MYO5A: variants seen among roughly 807,000 people sequenced by gnomAD.
MYO5A encodes unconventional myosin-Va.
MYO5A carries 98 observed loss-of-function variants against 249.7 expected under a neutral mutation model. The observed-to-expected ratio is 0.39, with a 90% CI of 0.33 to 0.46. The LOEUF (loss-of-function observed/expected upper bound fraction) is 0.46, where lower values mean the gene tolerates loss of function less well. MYO5A is among the 20% of genes least tolerant of loss of function. MYO5A has a pLI of 0.98. For missense variants in MYO5A, 1,696 were observed against 2,308.8 expected (o/e 0.73, Z 5.44); for synonymous variants, 778 against 810.6 (o/e 0.96, Z 0.68).
At chr15:52,480,855 T>C (rs1055968315) in intron 1 of MYO5A, among the ~76,000 whole-genome samples, 3 of 152,198 alleles carry the variant, frequency 2.0e-5, no homozygotes, top group African/African-American at 7.2e-5. Context: ...TCCTTACATA[T>C]AGCTAAATCC....
intron 1 of MYO5A, among the ~76,000 whole-genome samples, chr15:52,459,207 G>C (rs2462853): frequency 7.8e-6 from 1 of 128,130 alleles, no homozygotes; most frequent in African/African-American, 2.8e-5. Flanking sequence ...GTGTTTCTCA[G>C]AGAGGGGGAT....
chr15:52,490,164 G>A (rs147111775), intron 1 of MYO5A, among the ~76,000 whole-genome samples: 256 of 152,262 alleles, frequency 1.7e-3, no homozygotes, highest in African/African-American at 5.9e-3. Flanking sequence ...CAGCCAGTAC[G>A]GAAAACAGTA....
chr15:52,527,692 A>T (rs1036238057), intron 1 of MYO5A, among the ~76,000 whole-genome samples: 1 of 152,190 alleles, frequency 6.6e-6, no homozygotes, highest in Non-Finnish European at 1.5e-5. Flanking sequence ...CACAGTTAGT[A>T]AGTCCCGGCT....
In MYO5A at chr15:52,445,214, A is replaced by T. The variant is rs1595696970; in HGVS notation, c.28-11929T>A. On this transcript the variant is annotated intron_variant, in intron 1 of 41. Transcript: ENST00000399233. ...GCTTGCTACTGCCTTTGTGATAGTG[A>T]GTTCTCGTGAGATCTGGGCATTTTA... Among the ~76,000 whole-genome samples the T allele has an allele frequency of 2.6e-5, 4 of 152,096 alleles. No individual in the cohort carries two copies. In the South Asian group the frequency reaches 8.3e-4, roughly 32 times the overall value.
chr15:52,408,285 T>G, intron 6 of MYO5A, 145 bp from the exon 7 acceptor site: 1 of 614,046 alleles, frequency 1.6e-6, no homozygotes, highest in Non-Finnish European at 2.9e-6. Context: ...TATTTCTGAT[T>G]ATTAAATCTT....
At chr15:52,389,599 T>A (rs1383236039) in intron 12 of MYO5A, among the ~76,000 whole-genome samples, 1 of 152,212 alleles carries the variant, frequency 6.6e-6, no homozygotes, top group Non-Finnish European at 1.5e-5. Context: ...TTTGGGCAGT[T>A]CAATCTGCCT....
chr15:52,446,997 T>C (rs1217264618), intron 1 of MYO5A, among the ~76,000 whole-genome samples: 1 of 152,142 alleles, frequency 6.6e-6, no homozygotes, highest in East Asian at 1.9e-4. Flanking sequence ...TTTGGACTTC[T>C]GAGTTAATAG....
chr15:52,457,308 G>A (rs1393298349), intron 1 of MYO5A, among the ~76,000 whole-genome samples: 1 of 151,678 alleles, frequency 6.6e-6, no homozygotes, highest in Non-Finnish European at 1.5e-5. Context: ...CAGGTGTGGT[G>A]TAGTCCCAGC....
At chr15:52,469,458 T>A (rs2076414479) in intron 1 of MYO5A, among the ~76,000 whole-genome samples, 1 of 152,200 alleles carries the variant, frequency 6.6e-6, no homozygotes, top group Non-Finnish European at 1.5e-5. Context: ...GTTCACCTTG[T>A]CATCTTCATA....
At position 52,307,812 on chromosome 15, in the gene MYO5A, C is replaced by G. The variant is rs999407252; in HGVS notation, c.*5884G>C. On this transcript the variant is annotated 3_prime_UTR_variant, in exon 42 of 42. Transcript: ENST00000399233. ...GTTAAATGGCATGAACTCATTTTTG[C>G]GCAACACTGTTAGCGCAATTTAAAT... 6.6e-6 allele frequency: 1 copy of G among 151,966 alleles called. No individual in the cohort carries two copies. The highest frequency in any genetic ancestry group is 2.1e-4 in the South Asian group (1 of 4,814). The allele number at this position is 151,966 out of a possible 1,614,324, so 9.4% of individuals were successfully genotyped here.
chr15:52,410,590 T>A (rs2045494741), intron 5 of MYO5A, 114 bp from the exon 6 acceptor site: 2 of 700,062 alleles, frequency 2.9e-6, no homozygotes. Context: ...TAAAATTGAT[T>A]TTTTTTTTTT....
intron 1 of MYO5A, among the ~76,000 whole-genome samples, chr15:52,513,914 GAC>G (rs901639700): frequency 5.3e-5 from 8 of 152,094 alleles, no homozygotes; most frequent in Non-Finnish European, 1.0e-4. Context: ...CATCTATAAT[GAC>G]ATGTTAAAAC....
intron 1 of MYO5A, among the ~76,000 whole-genome samples, chr15:52,508,522 TTCA>T (rs1357181778): frequency 6.6e-6 from 1 of 152,176 alleles, no homozygotes; most frequent in African/African-American, 2.4e-5. Flanking sequence ...CCTCCTTTGT[TTCA>T]TCTACTGTGA....
At chr15:52,341,741 G>A (rs369426282) in intron 31 of MYO5A, among the ~76,000 whole-genome samples, 1 of 152,100 alleles carries the variant, frequency 6.6e-6, no homozygotes, top group Non-Finnish European at 1.5e-5. Context: ...TTAATGATGA[G>A]AACAAAGCAG....
At chr15:52,331,698 C>A (rs1042489486) in intron 34 of MYO5A, 23 of 985,318 alleles carry the variant, frequency 2.3e-5, no homozygotes, top group Non-Finnish European at 1.9e-5. Flanking sequence ...AACATCAGTA[C>A]CTGCCAGTGC....
Position 52,312,040 on chromosome 15 carries a change from G to A in MYO5A, c.*1656C>T, listed in dbSNP as rs2037791453. On this transcript the variant is annotated 3_prime_UTR_variant, in exon 42 of 42. Transcript: ENST00000399233. ...ATAATTTGCTTTTGTGCAACCTGAAGGATTTATTGTATAAGATTCCTAAGA... is the reference window on the plus strand; with the variant it reads ...ATAATTTGCTTTTGTGCAACCTGAAAGATTTATTGTATAAGATTCCTAAGA... The A allele has an allele frequency of 6.6e-6, 1 of 152,362 alleles. No homozygotes were observed. The highest frequency in any genetic ancestry group is 1.5e-5 in the Non-Finnish European group (1 of 68,004). The allele number at this position is 152,362 out of a possible 1,614,324, so 9.4% of individuals were successfully genotyped here. A position where few individuals can be genotyped will look rare whatever the true frequency, so the allele number is the denominator to read the frequency against.
chr15:52,379,178 G>A (rs1275123190), intron 18 of MYO5A, among the ~76,000 whole-genome samples: 2 of 152,096 alleles, frequency 1.3e-5, no homozygotes, highest in Non-Finnish European at 2.9e-5. Flanking sequence ...ATAGCTGGAC[G>A]TCGCTTTGTC....
intron 4 of MYO5A, among the ~76,000 whole-genome samples, chr15:52,423,258 C>T (rs569982621): frequency 6.6e-6 from 1 of 152,160 alleles, no homozygotes; most frequent in South Asian, 2.1e-4. Context: ...GACAAGAAAA[C>T]AATGGTAAGG....
chr15:52,428,970 A>T (rs2075457974), intron 2 of MYO5A, among the ~76,000 whole-genome samples: 1 of 152,216 alleles, frequency 6.6e-6, no homozygotes, highest in South Asian at 2.1e-4. Context: ...CCTGATACTA[A>T]TACTTACTTT....
Sources: allele counts gnomAD v4.1 joint callset (sites outside exome capture counted in the v4.1 genomes callset), GRCh38; gene constraint gnomAD v4.1.1; transcripts MANE v1.5; gene names NCBI Gene and HGNC (gene_info 2026-07-23, HGNC 2026-07-21).